The following NR2C2 variants were observed in gnomAD, a reference collection of about 807,000 sequenced individuals.
The protein encoded by NR2C2 is Nuclear hormone receptor TR4.
In NR2C2, 6 loss-of-function variants were observed where a neutral mutation model predicts 62.9. That is an observed-to-expected ratio of 0.10 (90% CI 0.05 to 0.19). The LOEUF (loss-of-function observed/expected upper bound fraction) is 0.19, where lower values mean the gene tolerates loss of function less well. NR2C2 is among the 10% of genes least tolerant of loss of function. The pLI is 1.00. For synonymous variants in NR2C2, 272 were observed against 273.8 expected (o/e 0.99, Z 0.07); for missense variants, 479 against 762.7 (o/e 0.63, Z 4.38).
chr3:15,034,862 A>C, intron 11 of NR2C2, 53 bp downstream of exon 11: 1 of 1,531,760 alleles, frequency 6.5e-7, no homozygotes, highest in Non-Finnish European at 8.8e-7. Context: ...CCTGGTGGCC[A>C]TGGAGCAGAG....
At chr3:15,011,776 G>T (rs895354739) in intron 2 of NR2C2, among the ~76,000 whole-genome samples, 1 of 152,182 alleles carries the variant, frequency 6.6e-6, no homozygotes, top group Non-Finnish European at 1.5e-5. Flanking sequence ...TGGCTGTGCC[G>T]TGTAGCACAC....
intron 1 of NR2C2, among the ~76,000 whole-genome samples, chr3:14,976,702 A>G (rs1338761956): frequency 2.7e-5 from 4 of 147,320 alleles, no homozygotes; most frequent in Non-Finnish European, 5.9e-5. Flanking sequence ...ATGTCTGAAC[A>G]TATTTTCATT....
chr3:15,023,499 T>G, intron 6 of NR2C2, 152 bp downstream of exon 6: 1 of 840,052 alleles, frequency 1.2e-6, no homozygotes, highest in Non-Finnish European at 1.9e-6. Context: ...AGCTGCTCAG[T>G]CACACCTCTG....
intron 1 of NR2C2, among the ~76,000 whole-genome samples, chr3:14,958,898 C>T (rs1457153549): frequency 2.0e-5 from 3 of 152,220 alleles, no homozygotes; most frequent in Non-Finnish European, 4.4e-5. Context: ...ATCGCTTGAA[C>T]CAGGGAGTCG....
chr3:15,030,182 T>C, intron 8 of NR2C2, 93 bp from the exon 9 acceptor site: 2 of 1,053,416 alleles, frequency 1.9e-6, no homozygotes, highest in Non-Finnish European at 2.8e-6. Context: ...AATTATCTTT[T>C]CCCACTGTAG....
chr3:14,984,637 A>C (rs2040466314), intron 1 of NR2C2, among the ~76,000 whole-genome samples: 1 of 152,148 alleles, frequency 6.6e-6, no homozygotes. Flanking sequence ...ATCAGTATTT[A>C]ATTCCTTTTT....
At chr3:15,010,164 G>A (rs1305920753) in intron 2 of NR2C2, among the ~76,000 whole-genome samples, 2 of 152,070 alleles carry the variant, frequency 1.3e-5, no homozygotes, top group Non-Finnish European at 2.9e-5. Context: ...ATATATCCTT[G>A]CAATTTGATG....
At chr3:14,952,919 G>C (rs115666395) in intron 1 of NR2C2, among the ~76,000 whole-genome samples, 5,499 of 152,264 alleles carry the variant, frequency 0.036, 353 homozygotes, top group African/African-American at 0.12. Context: ...AGCTCAACTA[G>C]CACAGCTCAA....
At chr3:15,037,053 C>T (rs572612167) in intron 11 of NR2C2, among the ~76,000 whole-genome samples, 10 of 151,160 alleles carry the variant, frequency 6.6e-5, no homozygotes, top group Admixed American at 2.0e-4. Flanking sequence ...ACCTGGGAGG[C>T]GGAGGCTGCA....
rs1376841639 is a variant in NR2C2, at chr3:15,048,842, G to C, written c.*5834G>C. The C allele has an allele frequency of 1.3e-5, 2 of 152,610 alleles. No homozygotes were observed. The highest frequency in any genetic ancestry group is 1.9e-4 in the East Asian group (1 of 5,204). 9.5% of individuals were successfully genotyped at this position (152,610 alleles called of 1,614,324 possible). On this transcript the variant is annotated 3_prime_UTR_variant, in exon 14 of 14. Coordinates refer to ENST00000425241, the MANE Select transcript of NR2C2 (RefSeq NM_001291694.2). ...TGGACTTCTCTGTTAGAATGTAACT[G>C]CATTACCAGCCCTTTTAAAGGCATC...
At chr3:14,988,268 C>G (rs1199091247) in intron 1 of NR2C2, among the ~76,000 whole-genome samples, 1 of 152,238 alleles carries the variant, frequency 6.6e-6, no homozygotes, top group Non-Finnish European at 1.5e-5. Flanking sequence ...GTCTCTCAGA[C>G]CAGTGAATCT....
At chr3:15,031,534 AT>A (rs2041980418) in intron 9 of NR2C2, among the ~76,000 whole-genome samples, 1 of 151,118 alleles carries the variant, frequency 6.6e-6, no homozygotes, top group Non-Finnish European at 1.5e-5. Context: ...TGCCCATCTA[AT>A]TTTTATTTTT....
chr3:15,035,161 C>T (rs1210419353), intron 11 of NR2C2, among the ~76,000 whole-genome samples: 2 of 152,126 alleles, frequency 1.3e-5, no homozygotes, highest in Non-Finnish European at 2.9e-5. Flanking sequence ...GGCCTGGTGG[C>T]ATCTGCCTGT....
At chr3:15,013,272 G>A (rs1208078774) in intron 2 of NR2C2, among the ~76,000 whole-genome samples, 1 of 152,100 alleles carries the variant, frequency 6.6e-6, no homozygotes, top group Non-Finnish European at 1.5e-5. Context: ...TTTGTTATTA[G>A]GTGAGGACAA....
chr3:14,982,095 A>G (rs1037567738), intron 1 of NR2C2, among the ~76,000 whole-genome samples: 8 of 152,166 alleles, frequency 5.3e-5, no homozygotes, highest in African/African-American at 1.7e-4. Context: ...TAATATCAAC[A>G]TCACACTGTC....
rs2042547261 is a variant in NR2C2 at position 15,048,836 on chromosome 3, G to GTAAC, written c.*5830_*5833dup. ...GTAGTTTGGACTTCTCTGTTAGAAT[G>GTAAC]TAACTGCATTACCAGCCCTTTTAAA... On this transcript the variant is annotated 3_prime_UTR_variant, in exon 14 of 14. Coordinates refer to ENST00000425241, the MANE Select transcript of NR2C2 (RefSeq NM_001291694.2). 6.6e-6 allele frequency: 1 copy of GTAAC among 152,656 alleles called. No individual in the cohort carries two copies. The allele number at this position is 152,656 out of a possible 1,614,324, so 9.5% of individuals were successfully genotyped here.
In NR2C2 at chr3:15,038,894, A is replaced by G. The variant is rs1575043834; in HGVS notation, c.1511-228A>G. On this transcript the variant is annotated intron_variant, in intron 12 of 13. Coordinates refer to ENST00000425241, the MANE Select transcript of NR2C2 (RefSeq NM_001291694.2). The stretch of plus-strand genomic sequence containing the variant: ...CAGAACCAATCATGTGGGGCTGTTC[A>G]GACTGGGATCCACTCAGGGTCCCCG... The G allele has an allele frequency of 1.4e-5, 7 of 515,852 alleles. No homozygotes were observed. The East Asian group carries it at 2.1e-4, about 16-fold the overall frequency. The allele number at this position is 515,852 out of a possible 1,614,324, so 32.0% of individuals were successfully genotyped here.
intron 1 of NR2C2, among the ~76,000 whole-genome samples, chr3:14,962,141 G>A (rs149573621): frequency 1.0e-3 from 158 of 152,284 alleles, no homozygotes; most frequent in African/African-American, 3.7e-3. Context: ...CAACCCTGGA[G>A]ACCTGATAAT....
At chr3:14,977,367 A>G (rs182093978) in intron 1 of NR2C2, among the ~76,000 whole-genome samples, 129 of 152,350 alleles carry the variant, frequency 8.5e-4, no homozygotes, top group African/African-American at 3.0e-3. Context: ...AAAGTAATAC[A>G]TTGTGGCAGA....
Sources: gnomAD v4.1 joint callset for allele counts (sites outside exome capture counted in the v4.1 genomes callset) on GRCh38, gnomAD v4.1.1 for gene constraint, MANE v1.5 for transcripts, NCBI Gene and HGNC (gene_info 2026-07-23, HGNC 2026-07-21) for gene names.